The following PLB1 variants were observed in gnomAD, a reference collection of about 807,000 sequenced individuals.
PLB1 encodes the protein phospholipase B1, membrane-associated.
In PLB1, 242 loss-of-function variants were observed where a neutral mutation model predicts 227.4. The ratio of observed to expected loss-of-function variants is 1.06; its 90% confidence interval spans 0.96 to 1.18. PLB1 has a LOEUF of 1.18. Among genes scored for constraint, PLB1 ranks in the 50% most tolerant of loss-of-function variants. The pLI, the probability that PLB1 is intolerant of heterozygous loss-of-function variation, is 0.00. For missense variants in PLB1, 1,858 were observed against 1,816.3 expected (o/e 1.02, Z -0.42); for synonymous variants, 757 against 682.2 (o/e 1.11, Z -1.71).
chr2:28,543,243 T>C lies in PLB1; in HGVS notation c.911T>C (p.Leu304Pro). ...CCCCGACTCCAGGATTCTACCACGC[T>C]GGCCTGGCATCTCTGGAATAGGATG... ...EDPRLQDSTT[L>P]AWHLWNRMME... Residue 304 changes from leucine to proline, a missense_variant, in exon 14 of 58, where the codon CTG (leucine) becomes CCG (proline). Transcript: ENST00000327757. The C allele has an allele frequency of 3.1e-6, 5 of 1,612,642 alleles. No individual in the cohort carries two copies. Among genetic ancestry groups the C allele is most frequent in the Non-Finnish European group, 3.4e-6 (4 of 1,179,496 alleles).
chr2:28,513,857 C>G (rs1434000893), intron 1 of PLB1, among the ~76,000 whole-genome samples: 1 of 152,214 alleles, frequency 6.6e-6, no homozygotes, highest in Non-Finnish European at 1.5e-5. Flanking sequence ...GCAGTAAACT[C>G]TGGACCCAGC....
intron 1 of PLB1, among the ~76,000 whole-genome samples, chr2:28,512,198 A>G (rs956144384): frequency 1.3e-5 from 2 of 150,182 alleles, no homozygotes; most frequent in South Asian, 2.1e-4. Context: ...TTTCCTCTGT[A>G]TTTTTTAGAA....
intron 5 of PLB1, 72 bp from the exon 6 acceptor site, chr2:28,525,833 A>G: frequency 6.4e-7 from 1 of 1,568,038 alleles, no homozygotes; most frequent in Non-Finnish European, 8.7e-7. Flanking sequence ...AATAGACCAC[A>G]GCCAAGGGGA....
In PLB1 at chr2:28,636,037, G is replaced by A. The variant is rs916692718; in HGVS notation, c.4098+2998G>A. Among the ~76,000 whole-genome samples, 182 of 101,322 alleles carry A rather than the reference G, an allele frequency of 1.8e-3. 1 individual carries two copies. Among genetic ancestry groups the A allele is most frequent in the African/African-American group, 5.2e-3 (165 of 31,842 alleles). The allele number at this position is 101,322 out of a possible 152,430, so 66.5% of individuals were successfully genotyped here. A position where few individuals can be genotyped will look rare whatever the true frequency, so the allele number is the denominator to read the frequency against. ...TGTATGAATGTGTGTGTATGTGTGT[G>A]TGTGTATGTATGTGTATGTGTGTAT... is the stretch of plus-strand genomic sequence containing the variant. On this transcript the variant is annotated intron_variant, in intron 56 of 57. Transcript: ENST00000327757.
At chr2:28,580,032 C>G (rs1023119391) in intron 23 of PLB1, among the ~76,000 whole-genome samples, 2 of 152,232 alleles carry the variant, frequency 1.3e-5, no homozygotes, top group African/African-American at 4.8e-5. Flanking sequence ...GGTTAGCTCC[C>G]TTCCCCAGTC....
rs942868910 is a variant in PLB1, at chr2:28,638,168, T to G, written c.4099-2759T>G. On this transcript the variant is annotated intron_variant, in intron 56 of 57. Coordinates refer to ENST00000327757, the MANE Select transcript of PLB1 (RefSeq NM_153021.5). Reference sequence around the variant, plus strand: ...GGGAAAAGACAGATAATCAACAAGGTCATTTCTGACCACATCTGTGGTTTA... The same window carrying G: ...GGGAAAAGACAGATAATCAACAAGGGCATTTCTGACCACATCTGTGGTTTA... Among the ~76,000 whole-genome samples the G allele has an allele frequency of 5.3e-5, 8 of 151,816 alleles. No individual in the cohort carries two copies. In the South Asian group the frequency reaches 1.5e-3, roughly 28 times the overall value.
At chr2:28,500,413 C>T (rs1449559679) in intron 1 of PLB1, among the ~76,000 whole-genome samples, 1 of 152,136 alleles carries the variant, frequency 6.6e-6, no homozygotes, top group Non-Finnish European at 1.5e-5. Flanking sequence ...TATAAATTAT[C>T]CATAGGGAGA....
At chr2:28,635,719 T>A (rs1249434952) in intron 56 of PLB1, among the ~76,000 whole-genome samples, 1 of 152,226 alleles carries the variant, frequency 6.6e-6, no homozygotes, top group Non-Finnish European at 1.5e-5. Flanking sequence ...AGCCAGAAGC[T>A]CCAGCAGCAC....
chr2:28,567,354 T>C (rs1677145185), intron 20 of PLB1, among the ~76,000 whole-genome samples: 1 of 152,094 alleles, frequency 6.6e-6, no homozygotes, highest in Admixed American at 6.5e-5. Context: ...ACCGCTGCTA[T>C]TGCCGCAGGA....
intron 49 of PLB1, among the ~76,000 whole-genome samples, chr2:28,623,764 T>G (rs1687357162): frequency 6.6e-6 from 1 of 152,228 alleles, no homozygotes; most frequent in African/African-American, 2.4e-5. Flanking sequence ...TAAACACAGC[T>G]TTATTGAGGT....
chr2:28,610,010 A>G (rs898057096), intron 43 of PLB1, among the ~76,000 whole-genome samples: 1 of 152,248 alleles, frequency 6.6e-6, no homozygotes, highest in South Asian at 2.1e-4. Flanking sequence ...TGTGGATGCA[A>G]TCTCTCATAG....
chr2:28,527,189 A>G (rs1035823973), intron 6 of PLB1, among the ~76,000 whole-genome samples: 1 of 152,058 alleles, frequency 6.6e-6, no homozygotes, highest in Non-Finnish European at 1.5e-5. Flanking sequence ...GTTCGTCTCA[A>G]TTTTTCCTCC....
At chr2:28,531,878 T>G (rs538951827) in intron 8 of PLB1, among the ~76,000 whole-genome samples, 17 of 152,324 alleles carry the variant, frequency 1.1e-4, no homozygotes, top group Non-Finnish European at 2.5e-4. Context: ...ATCCAAATAA[T>G]TAGATCAAAA....
intron 37 of PLB1, 32 bp downstream of exon 37, chr2:28,601,364 G>T (rs1453526803): frequency 1.3e-6 from 2 of 1,593,046 alleles, no homozygotes; most frequent in African/African-American, 1.3e-5. Flanking sequence ...CCTACTTGTT[G>T]TTCCTAACTT....
intron 1 of PLB1, among the ~76,000 whole-genome samples, chr2:28,499,544 A>T (rs1401761095): frequency 8.2e-5 from 12 of 145,544 alleles, no homozygotes; most frequent in Non-Finnish European, 1.3e-4. Flanking sequence ...TTTTTTAAAG[A>T]GGTGATGATA....
chr2:28,640,904 A>G, intron 56 of PLB1, 23 bp from the exon 57 acceptor site: 1 of 1,607,202 alleles, frequency 6.2e-7, no homozygotes, highest in Non-Finnish European at 8.5e-7. Flanking sequence ...GAGAGAATCG[A>G]GGTGTCCTTT....
chr2:28,604,594 C>A, intron 40 of PLB1, 61 bp from the exon 41 acceptor site: 1 of 1,411,230 alleles, frequency 7.1e-7, no homozygotes, highest in Non-Finnish European at 9.9e-7. Flanking sequence ...CCTACTCTTG[C>A]CTCACTGGGT....
At chr2:28,555,196 A>T (rs1317875801) in intron 17 of PLB1, among the ~76,000 whole-genome samples, 3 of 135,922 alleles carry the variant, frequency 2.2e-5, no homozygotes, top group African/African-American at 8.5e-5. Context: ...GGCTGGAGTG[A>T]AGTGGCGTGA....
chr2:28,550,061 C>T lies in PLB1; in HGVS notation c.1060C>T (p.Gln354Ter). The T allele has an allele frequency of 1.2e-6, 2 of 1,612,954 alleles. No homozygotes were observed. Among genetic ancestry groups the T allele is most frequent in the South Asian group, 1.1e-5 (1 of 90,968 alleles). Residue 354 changes from glutamine to a stop codon, truncating the protein, a stop_gained, in exon 16 of 58, where the codon CAG becomes TAG. Coordinates refer to ENST00000327757, the MANE Select transcript of PLB1 (RefSeq NM_153021.5). LOFTEE classifies it high-confidence loss of function. Reference sequence around the variant, plus strand: ...AAACAGCAACTACCTGACCAGACTGCAGAAACCCCAAGACAAGCTTGAGGT... The same window carrying T: ...AAACAGCAACTACCTGACCAGACTGTAGAAACCCCAAGACAAGCTTGAGGT... ...YRNSNYLTRL[Q>*]KPQDKLEVRE...
Sources: gnomAD v4.1 joint callset for allele counts (sites outside exome capture counted in the v4.1 genomes callset) on GRCh38, gnomAD v4.1.1 for gene constraint, MANE v1.5 for transcripts, NCBI Gene and HGNC (gene_info 2026-07-23, HGNC 2026-07-21) for gene names.